Variants in AGO2 observed in about 807,000 individuals in gnomAD.
AGO2 encodes argonaute RISC catalytic component 2.
In AGO2, 5 loss-of-function variants were observed where a neutral mutation model predicts 102.3. The ratio of observed to expected loss-of-function variants is 0.05; its 90% CI spans 0.03 to 0.10. The LOEUF (loss-of-function observed/expected upper bound fraction) is 0.10. Among genes scored for constraint, AGO2 ranks in the 10% least tolerant of loss-of-function variants. The pLI, the probability that AGO2 is intolerant of heterozygous loss-of-function variation, is 1.00. For synonymous variants in AGO2, 449 were observed against 473.1 expected (o/e 0.95, Z 0.66); for missense variants, 541 against 1,183.7 (o/e 0.46, Z 7.97).
chr8:140,614,378 A>G (rs1166041358), intron 1 of AGO2, among the ~76,000 whole-genome samples: 1 of 152,220 alleles, frequency 6.6e-6, no homozygotes, highest in Non-Finnish European at 1.5e-5. Flanking sequence ...TATTCAAAAC[A>G]GTGTCCTAAG....
At chr8:140,584,374 C>T (rs1223906664) in intron 2 of AGO2, among the ~76,000 whole-genome samples, 2 of 152,112 alleles carry the variant, frequency 1.3e-5, no homozygotes, top group Non-Finnish European at 1.5e-5. Context: ...AAACACTCAG[C>T]GGAGCTGACG....
chr8:140,535,275 G>A, intron 17 of AGO2, 193 bp downstream of exon 17: 1 of 602,230 alleles, frequency 1.7e-6, no homozygotes, highest in Non-Finnish European at 2.9e-6. Flanking sequence ...GGAGGCTCAT[G>A]CTGACCCACC....
At chr8:140,627,080 AG>A (rs2074287665) in intron 1 of AGO2, among the ~76,000 whole-genome samples, 1 of 152,202 alleles carries the variant, frequency 6.6e-6, no homozygotes, top group Non-Finnish European at 1.5e-5. Context: ...ACCCCAAAGC[AG>A]GGGCTAAAGA....
At chr8:140,563,230 A>G (rs772804016) in intron 3 of AGO2, among the ~76,000 whole-genome samples, 10 of 152,168 alleles carry the variant, frequency 6.6e-5, no homozygotes, top group Non-Finnish European at 1.5e-4. Context: ...AGCAAGGGAA[A>G]ATTCATTCGC....
intron 2 of AGO2, among the ~76,000 whole-genome samples, chr8:140,579,621 T>C (rs967368149): frequency 6.6e-6 from 1 of 151,498 alleles, no homozygotes; most frequent in African/African-American, 2.4e-5. Context: ...CGCACTCCTC[T>C]AACCCACCAC....
At chr8:140,559,361 G>T (rs746672609) in intron 6 of AGO2, 34 bp downstream of exon 6, 2 of 1,608,278 alleles carry the variant, frequency 1.2e-6, no homozygotes, top group Non-Finnish European at 1.7e-6. Context: ...GGGCCTCCCA[G>T]CCCTCAGCCA....
chr8:140,598,218 G>A (rs901705659), intron 1 of AGO2, among the ~76,000 whole-genome samples: 1 of 152,208 alleles, frequency 6.6e-6, no homozygotes, highest in Non-Finnish European at 1.5e-5. Context: ...TCTGAACCCC[G>A]AGACGGCGTG....
chr8:140,533,226 A>G (rs2072633403), intron 17 of AGO2, among the ~76,000 whole-genome samples: 1 of 150,940 alleles, frequency 6.6e-6, no homozygotes, highest in African/African-American at 2.4e-5. Flanking sequence ...TGTCTCTACT[A>G]AAAATACAAA....
intron 1 of AGO2, among the ~76,000 whole-genome samples, chr8:140,628,384 C>G (rs2074301046): frequency 6.6e-6 from 1 of 152,220 alleles, no homozygotes; most frequent in Non-Finnish European, 1.5e-5. Flanking sequence ...GAGCTGCAGG[C>G]ACGTGTGTGT....
At chr8:140,609,327 G>A (rs749221567) in intron 1 of AGO2, among the ~76,000 whole-genome samples, 3 of 152,338 alleles carry the variant, frequency 2.0e-5, no homozygotes, top group East Asian at 1.9e-4. Context: ...CCGGCAGAGC[G>A]GTGGGCGGGC....
chr8:140,617,316 A>G (rs2074153781), intron 1 of AGO2, among the ~76,000 whole-genome samples: 1 of 151,634 alleles, frequency 6.6e-6, no homozygotes, highest in African/African-American at 2.4e-5. Flanking sequence ...TGGGGTGCAG[A>G]TCTCAGCTCA....
intron 2 of AGO2, among the ~76,000 whole-genome samples, chr8:140,578,020 G>A (rs780560600): frequency 1.3e-5 from 2 of 152,204 alleles, no homozygotes; most frequent in Non-Finnish European, 2.9e-5. Context: ...ATGCACACCC[G>A]TGGAGTCGGC....
rs370202950 is a variant in AGO2 at position 140,610,818 on chromosome 8, C to A, written c.22+24667G>T. ...GTCCATCCAAAGACTTTGAAAAAAA[C>A]ACACAGTCCCCCAAATCTCTCACAG... On this transcript the variant is annotated intron_variant, in intron 1 of 18. Coordinates refer to ENST00000220592, the MANE Select transcript of AGO2 (RefSeq NM_012154.5). 3.9e-5 allele frequency among the ~76,000 whole-genome samples: 6 copies of A among 152,338 alleles called. No homozygotes were observed. In the East Asian group the frequency reaches 7.7e-4, roughly 20 times the overall value.
chr8:140,594,021 C>A (rs770528222), intron 1 of AGO2, among the ~76,000 whole-genome samples: 2 of 152,212 alleles, frequency 1.3e-5, no homozygotes, highest in Admixed American at 6.5e-5. Flanking sequence ...CTGCCGGTGC[C>A]AAGCCCTGCA....
intron 3 of AGO2, 21 bp downstream of exon 3, chr8:140,572,791 A>T (rs757217452): frequency 6.2e-7 from 1 of 1,606,492 alleles, no homozygotes; most frequent in Non-Finnish European, 8.5e-7. Flanking sequence ...TACTCCACCA[A>T]GGGCATCCCG....
At position 140,584,322 on chromosome 8, in the gene AGO2, C is replaced by T. The variant is rs189572150; in HGVS notation, c.215+797G>A. The stretch of plus-strand genomic sequence containing the variant: ...ACCCACCGAAACACACAAAAAAACA[C>T]GCCTGACCACACCGCGTGCTGGTGG... On this transcript the variant is annotated intron_variant, in intron 2 of 18. Coordinates refer to ENST00000220592, the MANE Select transcript of AGO2 (RefSeq NM_012154.5). Among the ~76,000 whole-genome samples, 15 of 152,254 alleles carry T rather than the reference C, an allele frequency of 9.9e-5. No individual in the cohort carries two copies. In the East Asian group the frequency reaches 2.3e-3, roughly 23 times the overall value.
At chr8:140,628,983 C>A (rs1588519559) in intron 1 of AGO2, among the ~76,000 whole-genome samples, 2 of 151,986 alleles carry the variant, frequency 1.3e-5, no homozygotes, top group South Asian at 4.2e-4. Flanking sequence ...CCCAGCTACT[C>A]AGGAGGCTGA....
intron 1 of AGO2, among the ~76,000 whole-genome samples, chr8:140,609,831 C>T (rs1231839359): frequency 6.6e-6 from 1 of 151,986 alleles, no homozygotes; most frequent in Non-Finnish European, 1.5e-5. Flanking sequence ...CACCTGTAAT[C>T]CCGGCACAGA....
intron 3 of AGO2, among the ~76,000 whole-genome samples, chr8:140,565,978 T>C (rs1281862142): frequency 6.6e-6 from 1 of 151,522 alleles, no homozygotes; most frequent in Non-Finnish European, 1.5e-5. Flanking sequence ...GTCAAGGCTA[T>C]AGTGAGCTGT....
Sources: allele counts gnomAD v4.1 joint callset (sites outside exome capture counted in the v4.1 genomes callset), GRCh38; gene constraint gnomAD v4.1.1; transcripts MANE v1.5; gene names NCBI Gene and HGNC (gene_info 2026-07-23, HGNC 2026-07-21).